The following CHSY3 variants were observed in gnomAD, a reference collection of about 807,000 sequenced individuals.
CHSY3 encodes the protein N-acetylgalactosaminyl-proteoglycan 3-beta-glucuronosyltransferase 3.
In CHSY3, 35 loss-of-function variants were observed where a neutral mutation model predicts 67.2. That is an observed-to-expected ratio of 0.52 (90% CI 0.40 to 0.69). The LOEUF is 0.69. Among genes scored for constraint, CHSY3 ranks in the 30% least tolerant of loss-of-function variants. CHSY3 has a pLI of 0.00. For missense variants in CHSY3, 1,069 were observed against 1,138.5 expected, an observed-to-expected ratio of 0.94 and a Z score of 0.88; for synonymous variants, 474 against 434.7, an observed-to-expected ratio of 1.09 and a Z score of -1.12.
chr5:129,904,696 C>A lies in CHSY3; in HGVS notation c.-134C>A, dbSNP rs527300961. 120 of 1,206,536 alleles carry A rather than the reference C, an allele frequency of 9.9e-5. No individual in the cohort carries two copies. In the African/African-American group the frequency reaches 1.8e-3, roughly 18 times the overall value. 74.7% of individuals were successfully genotyped at this position (1,206,536 alleles called of 1,614,324 possible). On this transcript the variant is annotated 5_prime_UTR_variant, in exon 1 of 3. Coordinates refer to ENST00000305031, the MANE Select transcript of CHSY3 (RefSeq NM_175856.5). ...CGTCCGCGGCGCTTCGACCTCCAGC[C>A]GGTGTCGGCGCCTAGGCGGCCGGCT...
At chr5:130,082,627 A>G (rs1452864240) in intron 2 of CHSY3, among the ~76,000 whole-genome samples, 1 of 152,018 alleles carries the variant, frequency 6.6e-6, no homozygotes, top group African/African-American at 2.4e-5. Flanking sequence ...TCCTTAATGA[A>G]TATTTTCCTA....
intron 2 of CHSY3, among the ~76,000 whole-genome samples, chr5:130,029,164 AT>A (rs1208183674): frequency 6.6e-6 from 1 of 152,062 alleles, no homozygotes; most frequent in African/African-American, 2.4e-5. Context: ...GTAAAGTGCT[AT>A]TTGCCGAGGT....
At chr5:130,149,026 G>A (rs77501685) in intron 2 of CHSY3, among the ~76,000 whole-genome samples, 1 of 152,170 alleles carries the variant, frequency 6.6e-6, no homozygotes, top group Admixed American at 6.5e-5. Context: ...TTATAGTTTT[G>A]TGTTTTACAT....
chr5:129,940,987 G>A (rs1430390818), intron 2 of CHSY3, among the ~76,000 whole-genome samples: 1 of 152,134 alleles, frequency 6.6e-6, no homozygotes, highest in Non-Finnish European at 1.5e-5. Flanking sequence ...GGGAGGCTGA[G>A]ATGGAAGGAT....
chr5:130,014,173 T>G (rs1764144922), intron 2 of CHSY3, among the ~76,000 whole-genome samples: 1 of 152,164 alleles, frequency 6.6e-6, no homozygotes, highest in Non-Finnish European at 1.5e-5. Flanking sequence ...ATTCAAAAAG[T>G]GTCTAGGAAG....
chr5:129,995,963 G>C (rs1763526866), intron 2 of CHSY3, among the ~76,000 whole-genome samples: 1 of 150,348 alleles, frequency 6.7e-6, no homozygotes, highest in Admixed American at 6.6e-5. Flanking sequence ...CTCTCTCTCT[G>C]TCTCTCTCCA....
At chr5:129,941,933 G>A (rs1446322944) in intron 2 of CHSY3, among the ~76,000 whole-genome samples, 1 of 151,914 alleles carries the variant, frequency 6.6e-6, no homozygotes, top group Non-Finnish European at 1.5e-5. Context: ...CAGAACTCAG[G>A]GAAATGTATT....
intron 2 of CHSY3, among the ~76,000 whole-genome samples, chr5:130,076,234 G>A (rs756318755): frequency 6.6e-6 from 1 of 151,556 alleles, no homozygotes; most frequent in Non-Finnish European, 1.5e-5. Context: ...CATGAACTTT[G>A]TCTGTCCTCT....
intron 2 of CHSY3, among the ~76,000 whole-genome samples, chr5:129,968,421 G>T (rs973831386): frequency 1.3e-5 from 2 of 151,744 alleles, no homozygotes; most frequent in Non-Finnish European, 2.9e-5. Context: ...TTTTATTAAT[G>T]CAATTCAGCA....
chr5:130,160,909 A>ATT (rs760822099), intron 2 of CHSY3, among the ~76,000 whole-genome samples: 16 of 136,182 alleles, frequency 1.2e-4, no homozygotes, highest in Admixed American at 2.9e-4. Flanking sequence ...TTTTTTTTTT[A>ATT]TTTTTTTTTT....
intron 2 of CHSY3, among the ~76,000 whole-genome samples, chr5:130,059,921 A>G (rs1313585246): frequency 1.3e-5 from 2 of 152,148 alleles, no homozygotes; most frequent in Admixed American, 1.3e-4. Context: ...AATCCCATGC[A>G]TAAAGCTATA....
At chr5:130,179,687 C>CT (rs1289899087) in intron 2 of CHSY3, among the ~76,000 whole-genome samples, 2 of 150,994 alleles carry the variant, frequency 1.3e-5, no homozygotes, top group African/African-American at 2.4e-5. Context: ...AATTTCATGG[C>CT]TTTTTTTCTG....
intron 2 of CHSY3, among the ~76,000 whole-genome samples, chr5:129,921,636 G>A (rs1021280346): frequency 3.9e-5 from 6 of 152,126 alleles, no homozygotes; most frequent in South Asian, 4.1e-4. Flanking sequence ...TTAGCATAAC[G>A]TTCTCCAATT....
intron 2 of CHSY3, among the ~76,000 whole-genome samples, chr5:129,998,817 GCT>G (rs1333989979): frequency 3.3e-5 from 5 of 151,734 alleles, no homozygotes; most frequent in Non-Finnish European, 7.4e-5. Context: ...ACAGAAATTT[GCT>G]CTCTTTGTGC....
chr5:129,995,216 G>C (rs909196517), intron 2 of CHSY3, among the ~76,000 whole-genome samples: 3 of 151,898 alleles, frequency 2.0e-5, no homozygotes, highest in African/African-American at 7.3e-5. Context: ...ATGTTTATTA[G>C]CCATGTGTAT....
intron 2 of CHSY3, among the ~76,000 whole-genome samples, chr5:130,127,468 G>GC (rs79524615): frequency 0.19 from 29,425 of 152,008 alleles, 3,582 homozygotes; most frequent in African/African-American, 0.32. Context: ...CTGACTCTAA[G>GC]CCATGTTGTT....
chr5:130,108,068 A>G (rs1194757682), intron 2 of CHSY3, among the ~76,000 whole-genome samples: 2 of 151,628 alleles, frequency 1.3e-5, no homozygotes, highest in Non-Finnish European at 3.0e-5. Context: ...AAGCACTTTC[A>G]TATATATTTT....
chr5:130,168,633 C>T (rs1246935608), intron 2 of CHSY3, among the ~76,000 whole-genome samples: 2 of 151,992 alleles, frequency 1.3e-5, no homozygotes, highest in Admixed American at 6.6e-5. Context: ...AAAGTTCTTC[C>T]AGTAAATATT....
chr5:130,004,947 A>G (rs948264086), intron 2 of CHSY3, among the ~76,000 whole-genome samples: 1 of 152,198 alleles, frequency 6.6e-6, no homozygotes, highest in Non-Finnish European at 1.5e-5. Flanking sequence ...GTGATGAACT[A>G]AGTGAATATT....
Sources: gnomAD v4.1 joint callset for allele counts (sites outside exome capture counted in the v4.1 genomes callset) on GRCh38, gnomAD v4.1.1 for gene constraint, MANE v1.5 for transcripts, NCBI Gene and HGNC (gene_info 2026-07-23, HGNC 2026-07-21) for gene names.